Variants in PTPRD observed in about 807,000 individuals in gnomAD.
PTPRD encodes receptor-type tyrosine-protein phosphatase delta.
PTPRD carries 34 observed loss-of-function variants against 214.5 expected under a neutral mutation model. That is an observed-to-expected ratio of 0.16 (90% confidence interval 0.12 to 0.21). PTPRD has a LOEUF of 0.21. Among genes scored for constraint, PTPRD ranks in the 10% least tolerant of loss-of-function variants. PTPRD has a pLI of 1.00. For synonymous variants in PTPRD, 1,128 were observed against 845.7 expected, an observed-to-expected ratio of 1.33 and a Z score of -5.79; for missense variants, 2,545 against 2,398.7, an observed-to-expected ratio of 1.06 and a Z score of -1.27.
intron 11 of PTPRD, among the ~76,000 whole-genome samples, chr9:8,805,518 CAG>C (rs372802659): frequency 6.6e-6 from 1 of 151,288 alleles, no homozygotes; most frequent in African/African-American, 2.4e-5. Context: ...AAAAAAAAAA[CAG>C]AAAAATAAAT....
At chr9:10,425,420 A>G (rs1211509025) in intron 2 of PTPRD, among the ~76,000 whole-genome samples, 4 of 151,974 alleles carry the variant, frequency 2.6e-5, no homozygotes, top group African/African-American at 7.2e-5. Context: ...TTGTGAAAAC[A>G]TAGAGCAACC....
intron 10 of PTPRD, among the ~76,000 whole-genome samples, chr9:9,047,261 A>T (rs1326091420): frequency 6.6e-6 from 1 of 152,136 alleles, no homozygotes; most frequent in Non-Finnish European, 1.5e-5. Context: ...AGAAGACACC[A>T]AACAATGAAA....
intron 3 of PTPRD, among the ~76,000 whole-genome samples, chr9:10,231,901 G>T (rs2099611442): frequency 6.7e-6 from 1 of 150,052 alleles, no homozygotes; most frequent in Admixed American, 6.6e-5. Flanking sequence ...CATTCTCTTG[G>T]TAGTGAATTA....
intron 4 of PTPRD, among the ~76,000 whole-genome samples, chr9:9,961,842 C>T (rs1566758670): frequency 6.6e-6 from 1 of 152,100 alleles, no homozygotes; most frequent in Non-Finnish European, 1.5e-5. Context: ...GTTATTGTCA[C>T]ATATGTCTCT....
rs577346079 is a variant in PTPRD, at chr9:10,482,598, T to C, written c.-600+129800A>G. Among the ~76,000 whole-genome samples, 7 of 152,176 alleles carry C rather than the reference T, an allele frequency of 4.6e-5. No homozygotes were observed. The South Asian group carries it at 1.5e-3, about 32-fold the overall frequency. On this transcript the variant is annotated intron_variant, in intron 2 of 45. Coordinates refer to ENST00000381196, the MANE Select transcript of PTPRD (RefSeq NM_002839.4). ...ACCCCTCAAAAAGATTATGATTTAA[T>C]AAATGAATTCAGAAAAGTTTCAGGT...
chr9:10,240,296 A>C (rs2145990), intron 3 of PTPRD, among the ~76,000 whole-genome samples: 15,421 of 151,954 alleles, frequency 0.1, 823 homozygotes, highest in Admixed American at 0.12. Context: ...TACACTTGCT[A>C]TGCCTTTATC....
At chr9:10,118,865 C>A (rs2098752014) in intron 3 of PTPRD, among the ~76,000 whole-genome samples, 1 of 76,466 alleles carries the variant, frequency 1.3e-5, no homozygotes, top group Non-Finnish European at 2.8e-5. Context: ...GGAAATACAC[C>A]AAAAATAAAT....
At chr9:10,237,104 T>C (rs1263220378) in intron 3 of PTPRD, among the ~76,000 whole-genome samples, 5 of 151,830 alleles carry the variant, frequency 3.3e-5, no homozygotes, top group African/African-American at 7.3e-5. Flanking sequence ...TCATGATGTA[T>C]TGATGCATCA....
intron 12 of PTPRD, among the ~76,000 whole-genome samples, chr9:8,711,827 A>G (rs956944499): frequency 5.3e-5 from 8 of 152,240 alleles, no homozygotes; most frequent in Admixed American, 4.6e-4. Flanking sequence ...TATTTGAAAC[A>G]ACCCAAAGGA....
intron 14 of PTPRD, among the ~76,000 whole-genome samples, chr9:8,608,152 G>A (rs2095308209): frequency 6.6e-6 from 1 of 151,422 alleles, no homozygotes; most frequent in South Asian, 2.1e-4. Flanking sequence ...TTCTGTATAG[G>A]ATATATCTAT....
intron 11 of PTPRD, among the ~76,000 whole-genome samples, chr9:8,839,378 C>G (rs766061400): frequency 1.3e-5 from 2 of 151,990 alleles, no homozygotes; most frequent in African/African-American, 4.8e-5. Context: ...CAGGCTGGAG[C>G]GCTGTGGCGC....
chr9:9,566,288 A>G (rs2154296559), intron 8 of PTPRD, among the ~76,000 whole-genome samples: 1 of 152,142 alleles, frequency 6.6e-6, no homozygotes, highest in East Asian at 1.9e-4. Context: ...GATCTGTCAA[A>G]AACTGTGATA....
intron 5 of PTPRD, among the ~76,000 whole-genome samples, chr9:9,933,177 C>A (rs1353646137): frequency 1.4e-4 from 22 of 152,280 alleles, no homozygotes; most frequent in African/African-American, 5.1e-4. Context: ...AACTAACGTG[C>A]AAAATAACCA....
chr9:10,585,210 T>A (rs994865011), intron 2 of PTPRD, among the ~76,000 whole-genome samples: 2 of 152,086 alleles, frequency 1.3e-5, no homozygotes, highest in Non-Finnish European at 2.9e-5. Context: ...ATAATTATTA[T>A]TAATACTTTA....
chr9:8,808,880 A>G (rs1021124639), intron 11 of PTPRD, among the ~76,000 whole-genome samples: 1 of 152,156 alleles, frequency 6.6e-6, no homozygotes, highest in Admixed American at 6.5e-5. Flanking sequence ...CCTTATATGC[A>G]ATTAAGTACC....
chr9:10,027,353 A>T (rs1006099099), intron 4 of PTPRD, among the ~76,000 whole-genome samples: 1 of 152,178 alleles, frequency 6.6e-6, no homozygotes, highest in East Asian at 1.9e-4. Context: ...AGGTAGACAG[A>T]ATTTGACCTT....
intron 4 of PTPRD, among the ~76,000 whole-genome samples, chr9:10,003,910 C>A (rs2096400392): frequency 6.6e-6 from 1 of 151,482 alleles, no homozygotes. Flanking sequence ...GACCCTAATA[C>A]AAATTATTCA....
At chr9:9,966,532 TAAGG>T (rs75410170) in intron 4 of PTPRD, among the ~76,000 whole-genome samples, 6,065 of 152,254 alleles carry the variant, frequency 0.04, 142 homozygotes, top group Non-Finnish European at 0.058. Context: ...GCTATTAAAA[TAAGG>T]ATCTCCACAA....
intron 11 of PTPRD, among the ~76,000 whole-genome samples, chr9:8,839,752 C>A (rs2097522597): frequency 6.6e-6 from 1 of 152,134 alleles, no homozygotes; most frequent in Admixed American, 6.5e-5. Flanking sequence ...TTCCTCAAAG[C>A]TTTGTATTGA....
Sources: allele counts gnomAD v4.1 joint callset (sites outside exome capture counted in the v4.1 genomes callset), GRCh38; gene constraint gnomAD v4.1.1; transcripts MANE v1.5; gene names NCBI Gene and HGNC (gene_info 2026-07-23, HGNC 2026-07-21).